SYT16: variants seen among roughly 807,000 people sequenced by gnomAD.
SYT16 encodes synaptotagmin-16.
In SYT16, 42 loss-of-function variants were observed where a neutral mutation model predicts 61.4. The ratio of observed to expected loss-of-function variants is 0.68; its 90% confidence interval spans 0.53 to 0.89. The LOEUF (loss-of-function observed/expected upper bound fraction) is 0.89. Among genes scored for constraint, SYT16 ranks in the 40% least tolerant of loss-of-function variants. The probability of loss-of-function intolerance (pLI) is 0.00; values close to 1 mark genes in which losing one functional copy is unlikely to be tolerated. For missense variants in SYT16, 804 were observed against 807.3 expected (o/e 1.00, Z 0.05); for synonymous variants, 314 against 302.3 (o/e 1.04, Z -0.40).
intron 1 of SYT16, among the ~76,000 whole-genome samples, chr14:61,825,509 C>T (rs536362150): frequency 6.6e-6 from 1 of 152,092 alleles, no homozygotes; most frequent in Non-Finnish European, 1.5e-5. Context: ...AGCAAGACCT[C>T]GTCTCTACAA....
At chr14:61,915,220 C>G (rs2049075467) in intron 1 of SYT16, among the ~76,000 whole-genome samples, 1 of 152,098 alleles carries the variant, frequency 6.6e-6, no homozygotes, top group African/African-American at 2.4e-5. Context: ...GTTAGATGAA[C>G]ATGGCTTTAG....
intron 1 of SYT16, among the ~76,000 whole-genome samples, chr14:61,933,152 C>G (rs905709317): frequency 6.6e-6 from 1 of 152,130 alleles, no homozygotes; most frequent in Non-Finnish European, 1.5e-5. Context: ...ATGGAGTGTT[C>G]CGTGGAGCCC....
intron 1 of SYT16, among the ~76,000 whole-genome samples, chr14:61,858,193 A>G (rs955856880): frequency 3.9e-5 from 6 of 151,962 alleles, no homozygotes; most frequent in Non-Finnish European, 7.4e-5. Context: ...TCAAGGTGCA[A>G]TAACTAAGAG....
In SYT16 at chr14:62,101,788, G is replaced by A. The variant is rs1408928412; in HGVS notation, c.*1081G>A. 1 of 152,168 alleles carries A rather than the reference G, an allele frequency of 6.6e-6. No individual in the cohort carries two copies. 9.4% of individuals were successfully genotyped at this position (152,168 alleles called of 1,614,324 possible). ...GGAATGACATTAAGTTTTTCTTTGA[G>A]CATTTGAAGTGCCTATAACTGTCAT... On this transcript the variant is annotated 3_prime_UTR_variant, in exon 8 of 8. Transcript: ENST00000683842.
intron 2 of SYT16, among the ~76,000 whole-genome samples, chr14:61,994,955 T>C (rs2052703059): frequency 6.6e-6 from 1 of 152,124 alleles, no homozygotes; most frequent in African/African-American, 2.4e-5. Flanking sequence ...ATACAAGATA[T>C]TGGGTAATTA....
intron 3 of SYT16, among the ~76,000 whole-genome samples, chr14:62,067,156 G>C (rs1055622849): frequency 1.3e-5 from 2 of 152,054 alleles, no homozygotes; most frequent in Non-Finnish European, 2.9e-5. Flanking sequence ...TCAGGCTTAG[G>C]AGAACTCTGG....
intron 1 of SYT16, among the ~76,000 whole-genome samples, chr14:61,931,452 G>A (rs563042755): frequency 2.0e-5 from 3 of 152,046 alleles, no homozygotes; most frequent in Non-Finnish European, 2.9e-5. Context: ...AGTCCACAAC[G>A]AAGACACTCA....
chr14:61,861,363 G>A (rs2046957210), intron 1 of SYT16, among the ~76,000 whole-genome samples: 1 of 152,164 alleles, frequency 6.6e-6, no homozygotes, highest in Admixed American at 6.5e-5. Flanking sequence ...TCTTAACTGT[G>A]GTAGTATCTG....
intron 1 of SYT16, among the ~76,000 whole-genome samples, chr14:61,918,742 A>G (rs1033696528): frequency 6.6e-6 from 1 of 152,146 alleles, no homozygotes; most frequent in African/African-American, 2.4e-5. Flanking sequence ...GGGGTGATGA[A>G]TCATGGTTGA....
rs1421246551 is a variant in SYT16, at chr14:62,106,493, C to T, written c.*5786C>T. 6.6e-6 allele frequency: 1 copy of T among 152,048 alleles called. No homozygotes were observed. Among genetic ancestry groups the T allele is most frequent in the Non-Finnish European group, 1.5e-5 (1 of 68,010 alleles). The allele number at this position is 152,048 out of a possible 1,614,324, so 9.4% of individuals were successfully genotyped here. A position where few individuals can be genotyped will look rare whatever the true frequency, so the allele number is the denominator to read the frequency against. On this transcript the variant is annotated 3_prime_UTR_variant, in exon 8 of 8. Coordinates refer to ENST00000683842, the MANE Select transcript of SYT16 (RefSeq NM_001367656.1). ...AAATGTACTTGAAGTCTTGGTTCTGCTAAAGAAGAATGAGAGGACACCCAT... is the reference window on the plus strand; with the variant it reads ...AAATGTACTTGAAGTCTTGGTTCTGTTAAAGAAGAATGAGAGGACACCCAT...
chr14:61,989,459 A>G (rs998076779), intron 2 of SYT16, among the ~76,000 whole-genome samples: 2 of 152,186 alleles, frequency 1.3e-5, no homozygotes, highest in Non-Finnish European at 2.9e-5. Flanking sequence ...GCTACTTGGG[A>G]GGCTGAGGCA....
chr14:61,850,466 C>T (rs1566626736), intron 1 of SYT16, among the ~76,000 whole-genome samples: 1 of 151,950 alleles, frequency 6.6e-6, no homozygotes, highest in African/African-American at 2.4e-5. Flanking sequence ...TGATGTTGAA[C>T]TTTTTTTTCA....
chr14:61,873,144 C>T (rs1480369410), intron 1 of SYT16, among the ~76,000 whole-genome samples: 1 of 152,090 alleles, frequency 6.6e-6, no homozygotes, highest in African/African-American at 2.4e-5. Flanking sequence ...GAAAAGAGGA[C>T]CCATGAGTTA....
chr14:61,932,112 G>A (rs2049795902), intron 1 of SYT16, among the ~76,000 whole-genome samples: 1 of 152,298 alleles, frequency 6.6e-6, no homozygotes. Flanking sequence ...CACACACTGG[G>A]CACTGTGGCC....
chr14:62,078,955 A>C (rs928726088), intron 5 of SYT16, among the ~76,000 whole-genome samples: 10 of 152,252 alleles, frequency 6.6e-5, no homozygotes, highest in Non-Finnish European at 1.2e-4. Flanking sequence ...GAAGTGTTTA[A>C]GAGCCAATTT....
At position 62,009,338 on chromosome 14, in the gene SYT16, G is replaced by A. The variant is rs1263373542; in HGVS notation, c.523+12796G>A. On this transcript the variant is annotated intron_variant, in intron 3 of 7. Coordinates refer to ENST00000683842, the MANE Select transcript of SYT16 (RefSeq NM_001367656.1). ...AAAAAAATTTATAATGACACTTCAT[G>A]GGTTCATGGACCTCCTGAATTTTAT... Among the ~76,000 whole-genome samples, 6 of 152,094 alleles carry A rather than the reference G, an allele frequency of 3.9e-5. No homozygotes were observed. In the East Asian group the frequency reaches 1.2e-3, roughly 29 times the overall value.
chr14:61,962,074 C>T (rs1429800824), intron 1 of SYT16, among the ~76,000 whole-genome samples: 1 of 152,028 alleles, frequency 6.6e-6, no homozygotes, highest in Non-Finnish European at 1.5e-5. Context: ...ATTGAGAGCA[C>T]AGGGACACAA....
chr14:61,971,183 C>T (rs527998665), intron 2 of SYT16, among the ~76,000 whole-genome samples: 5 of 152,112 alleles, frequency 3.3e-5, no homozygotes, highest in African/African-American at 4.8e-5. Flanking sequence ...TGCCTTGTTA[C>T]GAGAAAGGCA....
intron 1 of SYT16, among the ~76,000 whole-genome samples, chr14:61,962,980 C>A (rs1032606207): frequency 2.6e-5 from 4 of 152,078 alleles, no homozygotes; most frequent in African/African-American, 7.2e-5. Context: ...ATTTGTCAAG[C>A]AGTTTATGTA....
Sources: gnomAD v4.1 joint callset for allele counts (sites outside exome capture counted in the v4.1 genomes callset) on GRCh38, gnomAD v4.1.1 for gene constraint, MANE v1.5 for transcripts, NCBI Gene and HGNC (gene_info 2026-07-23, HGNC 2026-07-21) for gene names.